The following SELENOF variants were observed in gnomAD, a reference collection of about 807,000 sequenced individuals.
The protein encoded by SELENOF is 15 kDa selenoprotein.
In SELENOF, 16 loss-of-function variants were observed where a neutral mutation model predicts 20.5. The observed-to-expected ratio is 0.78, with a 90% CI of 0.53 to 1.19. SELENOF has a LOEUF of 1.19. Among genes scored for constraint, SELENOF ranks in the 50% most tolerant of loss-of-function variants. The probability of loss-of-function intolerance (pLI) is 0.00; values close to 1 mark genes in which losing one functional copy is unlikely to be tolerated. For synonymous variants in SELENOF, 78 were observed against 74.5 expected (o/e 1.05, Z -0.24); for missense variants, 215 against 194.2 (o/e 1.11, Z -0.64).
intron 3 of SELENOF, among the ~76,000 whole-genome samples, chr1:86,873,814 C>T (rs1230983991): frequency 7.5e-5 from 11 of 147,634 alleles, no homozygotes; most frequent in South Asian, 2.1e-4. Flanking sequence ...ATTGCGCTGT[C>T]GCACTCCAGC....
At chr1:86,871,209 A>G (rs192674100) in intron 3 of SELENOF, among the ~76,000 whole-genome samples, 1 of 152,334 alleles carries the variant, frequency 6.6e-6, no homozygotes, top group East Asian at 1.9e-4. Flanking sequence ...TTTAATGTCA[A>G]TACATCTACA....
In SELENOF at chr1:86,880,697, C is replaced by G; in HGVS notation, c.281G>C (p.Cys94Ser). The change falls in exon 3 of 5, where the codon TGT (cysteine) becomes TCT (serine). Residue 94 changes from cysteine to serine, a missense_variant. Physicochemically the swap from Cys to Ser is moderately radical, Grantham distance 112 (BLOSUM62 -1). Transcript: ENST00000331835. ...AGGGAACCTTCCCAATTTTCATCCA[C>G]AAACTTCAAGAATAGCTCCTGCATA... ...KLYAGAILEV[C>S]GUKLGRFPQV... 1 of 1,595,602 alleles carries G rather than the reference C, an allele frequency of 6.3e-7. No individual in the cohort carries two copies. The highest frequency in any genetic ancestry group is 8.5e-7 in the Non-Finnish European group (1 of 1,170,210).
In SELENOF at chr1:86,862,679, T is replaced by G. The variant is rs1658485603; in HGVS notation, c.*795A>C. On this transcript the variant is annotated 3_prime_UTR_variant, in exon 5 of 5. Transcript: ENST00000331835. ...AAAAAATGCATTGAAAAACATCATT[T>G]TTAAACATGAAAGAACAAACCAGAA... 1 of 152,222 alleles carries G rather than the reference T, an allele frequency of 6.6e-6. No homozygotes were observed. Among genetic ancestry groups the G allele is most frequent in the Non-Finnish European group, 1.5e-5 (1 of 68,040 alleles). 9.4% of individuals were successfully genotyped at this position (152,222 alleles called of 1,614,324 possible).
At chr1:86,876,484 T>G (rs570071480) in intron 3 of SELENOF, among the ~76,000 whole-genome samples, 1 of 152,330 alleles carries the variant, frequency 6.6e-6, no homozygotes, top group South Asian at 2.1e-4. Flanking sequence ...GTACTCTGTA[T>G]TTTAAGAAGA....
chr1:86,914,329 TCTTTA>T (rs986731934), upstream of SELENOF: 73 of 582,128 alleles, frequency 1.3e-4, no homozygotes, highest in African/African-American at 1.2e-3. Context: ...ACTCCCCACT[TCTTTA>T]CTTCTGCGGT....
chr1:86,914,344 T>G (rs893971718), upstream of SELENOF: 2 of 568,460 alleles, frequency 3.5e-6, no homozygotes, highest in Non-Finnish European at 6.3e-6. Flanking sequence ...ACTTCTGCGG[T>G]CTCCTTTCTT....
intron 1 of SELENOF, among the ~76,000 whole-genome samples, chr1:86,910,397 G>A (rs1659948876): frequency 6.6e-6 from 1 of 152,062 alleles, no homozygotes; most frequent in Non-Finnish European, 1.5e-5. Context: ...TGAGTAAGTT[G>A]ATTCCTGCCT....
intron 3 of SELENOF, among the ~76,000 whole-genome samples, chr1:86,877,553 A>G (rs1032295151): frequency 6.6e-6 from 1 of 152,202 alleles, no homozygotes; most frequent in Non-Finnish European, 1.5e-5. Context: ...TTTCATATAT[A>G]CCTTATACAT....
intron 2 of SELENOF, among the ~76,000 whole-genome samples, chr1:86,894,161 A>G (rs1471733108): frequency 6.7e-6 from 1 of 148,786 alleles, no homozygotes; most frequent in African/African-American, 2.5e-5. Context: ...ATCTCTTCTC[A>G]ACCTGGAGGT....
chr1:86,864,914 G>T (rs1658553351), intron 4 of SELENOF, among the ~76,000 whole-genome samples: 1 of 151,888 alleles, frequency 6.6e-6, no homozygotes, highest in Admixed American at 6.6e-5. Flanking sequence ...GATTACATAG[G>T]TGGGAGCCAC....
intron 3 of SELENOF, among the ~76,000 whole-genome samples, chr1:86,873,080 T>C (rs1478508456): frequency 7.0e-6 from 1 of 142,218 alleles, no homozygotes; most frequent in African/African-American, 2.8e-5. Context: ...AATAAATAAA[T>C]AAATAAATAA....
intron 2 of SELENOF, among the ~76,000 whole-genome samples, chr1:86,890,983 T>C (rs1233572933): frequency 6.6e-6 from 1 of 152,106 alleles, no homozygotes; most frequent in Non-Finnish European, 1.5e-5. Context: ...TTAGATATTA[T>C]GTTTTCGTCC....
chr1:86,874,205 G>A (rs759407783), intron 3 of SELENOF, among the ~76,000 whole-genome samples: 19 of 151,904 alleles, frequency 1.3e-4, no homozygotes, highest in African/African-American at 1.9e-4. Flanking sequence ...GCCTGACCTC[G>A]TGATCTGCCT....
chr1:86,876,133 T>C (rs1056524899), intron 3 of SELENOF, among the ~76,000 whole-genome samples: 3 of 151,568 alleles, frequency 2.0e-5, no homozygotes, highest in African/African-American at 7.3e-5. Flanking sequence ...AACAAGTACC[T>C]AATCCTTTTG....
intron 1 of SELENOF, among the ~76,000 whole-genome samples, chr1:86,908,672 G>C (rs1017551617): frequency 6.6e-6 from 1 of 152,148 alleles, no homozygotes; most frequent in African/African-American, 2.4e-5. Flanking sequence ...ATATTAACCT[G>C]TGAAGAAATG....
intron 3 of SELENOF, among the ~76,000 whole-genome samples, chr1:86,872,869 C>T (rs1368660257): frequency 6.6e-6 from 1 of 151,900 alleles, no homozygotes; most frequent in African/African-American, 2.4e-5. Flanking sequence ...GGTGAAACCC[C>T]GTCTCTACTA....
Position 86,863,384 on chromosome 1 carries a change from TG to T in SELENOF, c.*89del, listed in dbSNP as rs1658509512. The T allele has an allele frequency of 3.5e-6, 4 of 1,130,678 alleles. No individual in the cohort carries two copies. Among genetic ancestry groups the T allele is most frequent in the Admixed American group, 2.5e-5 (1 of 40,300 alleles). 70.0% of individuals were successfully genotyped at this position (1,130,678 alleles called of 1,614,324 possible). A position where few individuals can be genotyped will look rare whatever the true frequency, so the allele number is the denominator to read the frequency against. On this transcript the variant is annotated 3_prime_UTR_variant, in exon 5 of 5. Coordinates refer to ENST00000331835, the MANE Select transcript of SELENOF (RefSeq NM_004261.5). The stretch of plus-strand genomic sequence containing the variant: ...ATGCCTCAAGTAAAAGACTGATCAA[TG>T]GAAGCAAGCAAAACTAAATTATTTT...
intron 1 of SELENOF, among the ~76,000 whole-genome samples, chr1:86,911,892 T>C (rs1659993057): frequency 1.3e-5 from 2 of 151,780 alleles, no homozygotes. Flanking sequence ...CAAGTGATTC[T>C]CCTGCCTCAG....
chr1:86,872,661 G>A (rs922360063), intron 3 of SELENOF, among the ~76,000 whole-genome samples: 3 of 151,366 alleles, frequency 2.0e-5, no homozygotes, highest in African/African-American at 7.3e-5. Flanking sequence ...GATTATAGCC[G>A]TGAGCCACGA....
Sources: gnomAD v4.1 joint callset for allele counts (sites outside exome capture counted in the v4.1 genomes callset) on GRCh38, gnomAD v4.1.1 for gene constraint, MANE v1.5 for transcripts, NCBI Gene and HGNC (gene_info 2026-07-23, HGNC 2026-07-21) for gene names.